CNTN5: variants seen among roughly 807,000 people sequenced by gnomAD.
CNTN5 encodes the protein contactin-5.
CNTN5 carries 77 observed loss-of-function variants against 129.1 expected under a neutral mutation model. The ratio of observed to expected loss-of-function variants is 0.60; its 90% confidence interval spans 0.50 to 0.72. The LOEUF (loss-of-function observed/expected upper bound fraction) is 0.72. CNTN5 is among the 30% of genes least tolerant of loss of function. The pLI is 0.00. For missense variants in CNTN5, 1,478 were observed against 1,328.8 expected, an observed-to-expected ratio of 1.11 and a Z score of -1.75; for synonymous variants, 509 against 465.6, an observed-to-expected ratio of 1.09 and a Z score of -1.20.
rs531572870 is a variant in CNTN5, at chr11:99,038,494, A to G, written c.-210+17224A>G. On this transcript the variant is annotated intron_variant, in intron 1 of 24. Coordinates refer to ENST00000524871, the MANE Select transcript of CNTN5 (RefSeq NM_014361.4). ...TACATTCCTGTTAACTGTAGTCATCAGTGGTGTATAACAATGCTAGAACTG... is the reference window on the plus strand; with the variant it reads ...TACATTCCTGTTAACTGTAGTCATCGGTGGTGTATAACAATGCTAGAACTG... Among the ~76,000 whole-genome samples the G allele has an allele frequency of 6.9e-4, 105 of 152,204 alleles. 1 individual carries two copies. Among genetic ancestry groups the G allele is most frequent in the Non-Finnish European group, 1.1e-3 (76 of 67,974 alleles).
intron 3 of CNTN5, among the ~76,000 whole-genome samples, chr11:99,806,895 A>G (rs1946289828): frequency 1.3e-5 from 2 of 152,104 alleles, no homozygotes; most frequent in African/African-American, 4.8e-5. Flanking sequence ...TAGTTCTTGC[A>G]AGATAACAAT....
At chr11:99,900,198 T>A (rs1313369234) in intron 6 of CNTN5, among the ~76,000 whole-genome samples, 1 of 151,750 alleles carries the variant, frequency 6.6e-6, no homozygotes, top group Non-Finnish European at 1.5e-5. Flanking sequence ...TTTTTTTTTT[T>A]GGCCTCAACC....
At chr11:99,786,534 C>T (rs1945530520) in intron 3 of CNTN5, among the ~76,000 whole-genome samples, 1 of 152,018 alleles carries the variant, frequency 6.6e-6, no homozygotes, top group South Asian at 2.1e-4. Context: ...CAAGAAAGAG[C>T]CCATATAGCC....
At chr11:100,315,385 T>A (rs190521460) in intron 21 of CNTN5, among the ~76,000 whole-genome samples, 10 of 152,324 alleles carry the variant, frequency 6.6e-5, no homozygotes, top group Non-Finnish European at 1.3e-4. Context: ...TGTTATTAAA[T>A]TGATGAATTG....
chr11:100,297,788 T>C, intron 19 of CNTN5, 93 bp downstream of exon 19: 1 of 963,090 alleles, frequency 1.0e-6, no homozygotes, highest in Non-Finnish European at 1.6e-6. Flanking sequence ...GTCCACTTGA[T>C]TCATTTAGAG....
At chr11:99,247,369 C>T (rs895276110) in intron 1 of CNTN5, among the ~76,000 whole-genome samples, 10 of 152,038 alleles carry the variant, frequency 6.6e-5, no homozygotes, top group Admixed American at 2.0e-4. Context: ...GTCTGATGTA[C>T]CATATACACA....
chr11:99,941,499 T>A (rs1950434256), intron 7 of CNTN5, among the ~76,000 whole-genome samples: 1 of 149,986 alleles, frequency 6.7e-6, no homozygotes, highest in Non-Finnish European at 1.5e-5. Flanking sequence ...TAAAACATAG[T>A]CAAGATTTCT....
chr11:99,483,028 G>T (rs1222881866), intron 2 of CNTN5, among the ~76,000 whole-genome samples: 1 of 151,784 alleles, frequency 6.6e-6, no homozygotes, highest in African/African-American at 2.4e-5. Context: ...ACAAAAATTA[G>T]CTGGGCGTGG....
rs182040288 is a variant in CNTN5, at chr11:99,839,015, C to A, written c.278-5837C>A. On this transcript the variant is annotated intron_variant, in intron 4 of 24. Coordinates refer to ENST00000524871, the MANE Select transcript of CNTN5 (RefSeq NM_014361.4). ...TAACCCAAGTAGGTTTGGAAAAATT[C>A]TTCACAAGTAGGTTTGGAAAAATTC... Among the ~76,000 whole-genome samples, 472 of 152,020 alleles carry A rather than the reference C, an allele frequency of 3.1e-3. 4 individuals are homozygous for A. The highest frequency in any genetic ancestry group is 5.4e-3 in the Non-Finnish European group (365 of 67,988).
At chr11:99,055,276 G>T (rs563211866) in intron 1 of CNTN5, among the ~76,000 whole-genome samples, 2 of 152,036 alleles carry the variant, frequency 1.3e-5, no homozygotes, top group East Asian at 1.9e-4. Context: ...ACATTTGTCA[G>T]TTTGTAATAT....
chr11:99,416,685 G>T (rs1942670857), intron 2 of CNTN5, among the ~76,000 whole-genome samples: 1 of 152,130 alleles, frequency 6.6e-6, no homozygotes, highest in African/African-American at 2.4e-5. Context: ...TAGATTACAG[G>T]GAAAGTACAT....
intron 1 of CNTN5, among the ~76,000 whole-genome samples, chr11:99,266,606 A>G (rs76335211): frequency 0.017 from 2,604 of 152,212 alleles, 87 homozygotes; most frequent in African/African-American, 0.06. Context: ...TGTCTTAAAA[A>G]ATAATAATAA....
intron 2 of CNTN5, among the ~76,000 whole-genome samples, chr11:99,372,670 G>T (rs192160354): frequency 6.6e-6 from 1 of 151,914 alleles, no homozygotes; most frequent in Non-Finnish European, 1.5e-5. Context: ...AGAATAGGAC[G>T]CACTTTTTTT....
At chr11:99,796,142 G>A (rs999840705) in intron 3 of CNTN5, among the ~76,000 whole-genome samples, 1 of 152,142 alleles carries the variant, frequency 6.6e-6, no homozygotes, top group East Asian at 1.9e-4. Context: ...GTTGGCATGG[G>A]GACATGGTAC....
chr11:99,908,424 A>T (rs1050227056), intron 6 of CNTN5, among the ~76,000 whole-genome samples: 3 of 152,012 alleles, frequency 2.0e-5, no homozygotes, highest in African/African-American at 7.2e-5. Flanking sequence ...CTCTCTGTGT[A>T]TGTTGTATTT....
At position 100,258,435 on chromosome 11, in the gene CNTN5, G is replaced by A. The variant is rs191587328; in HGVS notation, c.2164+2517G>A. On this transcript the variant is annotated intron_variant, in intron 17 of 24. Coordinates refer to ENST00000524871, the MANE Select transcript of CNTN5 (RefSeq NM_014361.4). ...AACATTCAAATTCAGGAAATAGAGA[G>A]AACACCACAAAGATACTCCTCAAGA... Among the ~76,000 whole-genome samples the A allele has an allele frequency of 1.9e-3, 285 of 152,122 alleles. 1 individual carries two copies. The highest frequency in any genetic ancestry group is 6.5e-3 in the African/African-American group (270 of 41,490).
At chr11:100,220,971 T>C (rs1283593468) in intron 15 of CNTN5, among the ~76,000 whole-genome samples, 1 of 152,218 alleles carries the variant, frequency 6.6e-6, no homozygotes, top group Non-Finnish European at 1.5e-5. Context: ...TCTCGCTTAA[T>C]GATCCTTGGC....
At chr11:99,932,264 C>T (rs1950209959) in intron 7 of CNTN5, among the ~76,000 whole-genome samples, 1 of 152,064 alleles carries the variant, frequency 6.6e-6, no homozygotes, top group African/African-American at 2.4e-5. Flanking sequence ...TCGATCTCGG[C>T]TCACTGCAAC....
At chr11:100,007,450 A>C (rs3909277) in intron 9 of CNTN5, among the ~76,000 whole-genome samples, 56,816 of 151,892 alleles carry the variant, frequency 0.37, 12,026 homozygotes, top group African/African-American at 0.58. Context: ...ATTATCTTAG[A>C]TAGATTTTCT....
Sources: allele counts gnomAD v4.1 joint callset (sites outside exome capture counted in the v4.1 genomes callset), GRCh38; gene constraint gnomAD v4.1.1; transcripts MANE v1.5; gene names NCBI Gene and HGNC (gene_info 2026-07-23, HGNC 2026-07-21).